The following WNK2 variants were observed in gnomAD, a reference collection of about 807,000 sequenced individuals.
WNK2 encodes WNK lysine deficient protein kinase 2.
In WNK2, 67 loss-of-function variants were observed where a neutral mutation model predicts 192.1. That is an observed-to-expected ratio of 0.35 (90% CI 0.29 to 0.43). WNK2 has a LOEUF of 0.43. Ranked by LOEUF, WNK2 falls within the 20% of genes least tolerant of loss-of-function variation. WNK2 has a pLI of 1.00. For missense variants in WNK2, 2,698 were observed against 3,089.7 expected (o/e 0.87, Z 3.01); for synonymous variants, 1,439 against 1,393.9 (o/e 1.03, Z -0.72).
At chr9:93,222,731 G>A (rs995808071) in intron 2 of WNK2, among the ~76,000 whole-genome samples, 30 of 152,128 alleles carry the variant, frequency 2.0e-4, no homozygotes, top group Non-Finnish European at 3.7e-4. Context: ...TGCCTAGGCT[G>A]GAGTGCAATG....
intron 8 of WNK2, among the ~76,000 whole-genome samples, chr9:93,249,823 T>A (rs1270069356): frequency 6.6e-6 from 1 of 151,038 alleles, no homozygotes; most frequent in Non-Finnish European, 1.5e-5. Context: ...AAGTAGGTAA[T>A]ATAGCCACAT....
chr9:93,200,632 A>C (rs1241038707), intron 2 of WNK2, among the ~76,000 whole-genome samples: 1 of 152,014 alleles, frequency 6.6e-6, no homozygotes, highest in African/African-American at 2.4e-5. Flanking sequence ...CTTGGGGAAA[A>C]CTGAGCCCAG....
At chr9:93,211,451 C>G (rs1834682478) in intron 2 of WNK2, among the ~76,000 whole-genome samples, 1 of 150,536 alleles carries the variant, frequency 6.6e-6, no homozygotes, top group Non-Finnish European at 1.5e-5. Flanking sequence ...CATCCACTCA[C>G]CCACCCACTC....
intron 19 of WNK2, among the ~76,000 whole-genome samples, chr9:93,269,464 A>T (rs1035801886): frequency 6.6e-6 from 1 of 152,158 alleles, no homozygotes; most frequent in African/African-American, 2.4e-5. Context: ...TCTTTTGGAG[A>T]TTCGTTCCCA....
At chr9:93,205,566 C>T (rs538618475) in intron 2 of WNK2, among the ~76,000 whole-genome samples, 13 of 151,944 alleles carry the variant, frequency 8.6e-5, no homozygotes, top group Middle Eastern at 3.4e-3. Flanking sequence ...CGGCCCGCCC[C>T]GCGGCCGGCT....
At chr9:93,238,405 G>A in intron 6 of WNK2, 84 bp downstream of exon 6, 1 of 1,346,752 alleles carries the variant, frequency 7.4e-7, no homozygotes, top group Non-Finnish European at 1.1e-6. Flanking sequence ...TGTTCTTGAT[G>A]AGGGGACTTC....
At chr9:93,306,749 T>C in intron 26 of WNK2, 28 bp from the exon 27 acceptor site, 1 of 1,614,058 alleles carries the variant, frequency 6.2e-7, no homozygotes, top group Non-Finnish European at 8.5e-7. Flanking sequence ...AACCCTGTGG[T>C]CTTGTGTCGT....
intron 2 of WNK2, among the ~76,000 whole-genome samples, chr9:93,195,283 C>T (rs1420613046): frequency 2.6e-5 from 4 of 152,062 alleles, no homozygotes; most frequent in African/African-American, 7.2e-5. Flanking sequence ...AATAGGGGAA[C>T]CTGTGTGTGG....
intron 12 of WNK2, among the ~76,000 whole-genome samples, chr9:93,260,828 G>C (rs1244823619): frequency 6.6e-6 from 1 of 152,246 alleles, no homozygotes; most frequent in Non-Finnish European, 1.5e-5. Context: ...CTGGTTTGCA[G>C]TCAGGTCTGT....
At chr9:93,249,282 A>G (rs192380413) in intron 8 of WNK2, among the ~76,000 whole-genome samples, 150 of 152,294 alleles carry the variant, frequency 9.8e-4, no homozygotes, top group Non-Finnish European at 1.8e-3. Context: ...GGATATTTCT[A>G]TATGTTTAGC....
chr9:93,311,613 T>TTGTGTGTGTGTGTGTG (rs71364368), intron 28 of WNK2, among the ~76,000 whole-genome samples: 4,394 of 146,118 alleles, frequency 0.03, 79 homozygotes, highest in South Asian at 0.055. Flanking sequence ...GTTTTTTTGT[T>TTGTGTGTGTGTGTGTG]TGTGTGTGTG....
chr9:93,184,305 C>T lies in WNK2; in HGVS notation c.-83C>T, dbSNP rs1475309977. On this transcript the variant is annotated 5_prime_UTR_variant, in exon 1 of 30. Transcript: ENST00000427277. ...GCGCGGACCTCGCCCGGAACTCGGA[C>T]CCCGTCCTCGAAGCGTGATCTCTCC... Among the ~76,000 whole-genome samples the T allele has an allele frequency of 6.6e-6, 1 of 151,254 alleles. No individual in the cohort carries two copies. The highest frequency in any genetic ancestry group is 1.5e-5 in the Non-Finnish European group (1 of 67,676).
At chr9:93,294,377 G>A (rs1475599752) in intron 23 of WNK2, among the ~76,000 whole-genome samples, 1 of 152,238 alleles carries the variant, frequency 6.6e-6, no homozygotes, top group African/African-American at 2.4e-5. Context: ...CCTCCAGGAA[G>A]GTGGCCCCCA....
At chr9:93,244,237 C>G (rs1182023099) in intron 7 of WNK2, among the ~76,000 whole-genome samples, 1 of 152,198 alleles carries the variant, frequency 6.6e-6, no homozygotes, top group African/African-American at 2.4e-5. Context: ...AGTCACCTCT[C>G]AGCAAGTTCC....
At chr9:93,205,547 T>C (rs1833202481) in intron 2 of WNK2, among the ~76,000 whole-genome samples, 2 of 152,086 alleles carry the variant, frequency 1.3e-5, no homozygotes, top group Admixed American at 1.3e-4. Flanking sequence ...TGGCCCCCAC[T>C]CTGTCCTTCG....
chr9:93,260,050 G>A (rs778805089), intron 12 of WNK2, among the ~76,000 whole-genome samples: 15 of 152,112 alleles, frequency 9.9e-5, no homozygotes, highest in Non-Finnish European at 1.9e-4. Context: ...AGGAAGTGAG[G>A]CCGATAGCGG....
chr9:93,259,636 G>T lies in WNK2; in HGVS notation c.3066+22G>T. ...CCAGGTAATCACCTGCTGGGCAGGG[G>T]CTCACCCTCCCAGCGTCTGGGGACC... is the stretch of plus-strand genomic sequence containing the variant. On this transcript the variant is annotated intron_variant, in intron 12 of 29. Transcript: ENST00000427277. This position sits in a 1 kb window ranked among gnomAD's most constrained non-coding sequence, Gnocchi z 4.8. The T allele has an allele frequency of 6.5e-7, 1 of 1,535,964 alleles. No individual in the cohort carries two copies. The highest frequency in any genetic ancestry group is 8.7e-7 in the Non-Finnish European group (1 of 1,151,810).
chr9:93,254,251 CT>C (rs1842975500), intron 9 of WNK2, among the ~76,000 whole-genome samples: 1 of 152,210 alleles, frequency 6.6e-6, no homozygotes, highest in Non-Finnish European at 1.5e-5. Context: ...CTCTCACCTA[CT>C]GTGTGAGCCA....
chr9:93,243,979 C>T (rs372799108), intron 7 of WNK2, among the ~76,000 whole-genome samples: 2 of 152,234 alleles, frequency 1.3e-5, no homozygotes, highest in African/African-American at 4.8e-5. Flanking sequence ...TGCCTGTCAT[C>T]CCAGCACTTT....
Sources: allele counts gnomAD v4.1 joint callset (sites outside exome capture counted in the v4.1 genomes callset), GRCh38; gene constraint gnomAD v4.1.1; non-coding constraint Gnocchi (gnomAD v3.1); transcripts MANE v1.5; gene names NCBI Gene and HGNC (gene_info 2026-07-23, HGNC 2026-07-21).